Variants in CACNG2 observed in about 807,000 individuals in gnomAD.
CACNG2 encodes calcium voltage-gated channel auxiliary subunit gamma 2, also known as voltage-dependent calcium channel gamma-2 subunit.
CACNG2 carries 3 observed loss-of-function variants against 25.9 expected under a neutral mutation model. The ratio of observed to expected loss-of-function variants is 0.12; its 90% CI spans 0.05 to 0.30. The LOEUF is 0.30. CACNG2 is among the 10% of genes least tolerant of loss of function. The pLI, the probability that CACNG2 is intolerant of heterozygous loss-of-function variation, is 1.00. For synonymous variants in CACNG2, 167 were observed against 173.3 expected (o/e 0.96, Z 0.29); for missense variants, 341 against 432.5 (o/e 0.79, Z 1.88).
intron 1 of CACNG2, among the ~76,000 whole-genome samples, chr22:36,619,205 C>T (rs911094809): frequency 1.3e-5 from 2 of 152,152 alleles, no homozygotes; most frequent in African/African-American, 2.4e-5. Flanking sequence ...TCAATCTATG[C>T]TCATTCCACT....
At chr22:36,625,725 A>G (rs1428934238) in intron 1 of CACNG2, among the ~76,000 whole-genome samples, 1 of 152,168 alleles carries the variant, frequency 6.6e-6, no homozygotes, top group African/African-American at 2.4e-5. Flanking sequence ...TAAAAAAATA[A>G]TTTTTCATAA....
intron 1 of CACNG2, among the ~76,000 whole-genome samples, chr22:36,687,299 C>A (rs2146010246): frequency 6.6e-6 from 1 of 152,316 alleles, no homozygotes; most frequent in South Asian, 2.1e-4. Flanking sequence ...TTGTTTAAGA[C>A]ACTGCTCATT....
chr22:36,619,281 C>T (rs751184180), intron 1 of CACNG2, among the ~76,000 whole-genome samples: 1 of 152,036 alleles, frequency 6.6e-6, no homozygotes, highest in Non-Finnish European at 1.5e-5. Context: ...CTGATGGCAC[C>T]GCAGGATGAC....
intron 1 of CACNG2, among the ~76,000 whole-genome samples, chr22:36,640,710 G>A (rs773484906): frequency 1.1e-4 from 17 of 152,128 alleles, no homozygotes; most frequent in Non-Finnish European, 2.4e-4. Context: ...TTGTTTCCGC[G>A]CTTGTTCCTG....
chr22:36,674,337 C>T (rs982714050), intron 1 of CACNG2, among the ~76,000 whole-genome samples: 3 of 151,428 alleles, frequency 2.0e-5, no homozygotes, highest in African/African-American at 4.9e-5. Flanking sequence ...TTTTTGCTTG[C>T]TTTTTTTTTG....
At chr22:36,697,458 G>A (rs1038824551) in intron 1 of CACNG2, among the ~76,000 whole-genome samples, 2 of 152,186 alleles carry the variant, frequency 1.3e-5, no homozygotes, top group African/African-American at 4.8e-5. Flanking sequence ...CATGATAGGG[G>A]GACAATGTAG....
chr22:36,635,016 G>A (rs1349612375), intron 1 of CACNG2, among the ~76,000 whole-genome samples: 1 of 152,174 alleles, frequency 6.6e-6, no homozygotes, highest in Non-Finnish European at 1.5e-5. Flanking sequence ...AGGCGCAGTG[G>A]CTCACGCCTG....
Position 36,702,661 on chromosome 22 carries a change from T to G in CACNG2, c.-85A>C. 1 of 904,140 alleles carries G rather than the reference T, an allele frequency of 1.1e-6. No homozygotes were observed. Among genetic ancestry groups the G allele is most frequent in the Non-Finnish European group, 1.8e-6 (1 of 557,798 alleles). The allele number at this position is 904,140 out of a possible 1,614,324, so 56.0% of individuals were successfully genotyped here. ...GTGCAAGTACTAAAGCCAAAAAAAA[T>G]AAATAAAAATAAAAATTATTCCACT... is the stretch of plus-strand genomic sequence containing the variant. On this transcript the variant is annotated 5_prime_UTR_variant, in exon 1 of 4. Coordinates refer to ENST00000300105, the MANE Select transcript of CACNG2 (RefSeq NM_006078.5).
At chr22:36,619,113 G>T (rs540030885) in intron 1 of CACNG2, among the ~76,000 whole-genome samples, 4 of 152,262 alleles carry the variant, frequency 2.6e-5, no homozygotes, top group Admixed American at 6.5e-5. Context: ...TGAGGAAACC[G>T]AGACCCAGAA....
At chr22:36,673,115 A>G (rs1003413385) in intron 1 of CACNG2, among the ~76,000 whole-genome samples, 1 of 152,202 alleles carries the variant, frequency 6.6e-6, no homozygotes, top group Admixed American at 6.5e-5. Flanking sequence ...AGTCCCAGCT[A>G]CTCAGGAGGC....
intron 1 of CACNG2, among the ~76,000 whole-genome samples, chr22:36,631,651 A>C (rs1465221919): frequency 6.6e-6 from 1 of 152,102 alleles, no homozygotes; most frequent in Non-Finnish European, 1.5e-5. Context: ...GTGTGGCCCC[A>C]AGGCACTGTC....
At chr22:36,599,233 C>G (rs568528337) in intron 1 of CACNG2, among the ~76,000 whole-genome samples, 6 of 150,592 alleles carry the variant, frequency 4.0e-5, no homozygotes, top group African/African-American at 1.5e-4. Flanking sequence ...ACAAGTCAAC[C>G]CAGATGAATT....
At chr22:36,646,666 C>A (rs1437789768) in intron 1 of CACNG2, among the ~76,000 whole-genome samples, 1 of 151,832 alleles carries the variant, frequency 6.6e-6, no homozygotes, top group African/African-American at 2.4e-5. Context: ...TCACACCACA[C>A]CTCCTAGATT....
chr22:36,576,538 A>T (rs61252188), intron 2 of CACNG2, among the ~76,000 whole-genome samples: 70 of 59,038 alleles, frequency 1.2e-3, no homozygotes, highest in Non-Finnish European at 1.6e-3. Context: ...ATAAAAAATT[A>T]AAAAAAAAAA....
intron 1 of CACNG2, among the ~76,000 whole-genome samples, chr22:36,649,524 C>T (rs1412979426): frequency 6.6e-6 from 1 of 152,212 alleles, no homozygotes; most frequent in Non-Finnish European, 1.5e-5. Context: ...AAACTCCTGA[C>T]CTTGTGATTT....
intron 2 of CACNG2, among the ~76,000 whole-genome samples, chr22:36,567,552 C>T (rs1935146885): frequency 6.8e-6 from 1 of 147,240 alleles, no homozygotes; most frequent in Non-Finnish European, 1.5e-5. Flanking sequence ...AAGGGAGAAA[C>T]AGAAGGTGAG....
intron 1 of CACNG2, among the ~76,000 whole-genome samples, chr22:36,678,471 C>A (rs1479331633): frequency 6.6e-6 from 1 of 152,102 alleles, no homozygotes; most frequent in Non-Finnish European, 1.5e-5. Context: ...CCTCTCTCTA[C>A]ACACATTCAC....
At chr22:36,691,124 G>A (rs1937263705) in intron 1 of CACNG2, among the ~76,000 whole-genome samples, 1 of 152,220 alleles carries the variant, frequency 6.6e-6, no homozygotes, top group Admixed American at 6.5e-5. Context: ...GGGAACTCAT[G>A]ATCTAGAGGA....
intron 1 of CACNG2, among the ~76,000 whole-genome samples, chr22:36,649,542 T>C (rs1166677345): frequency 3.9e-5 from 6 of 152,188 alleles, no homozygotes; most frequent in African/African-American, 1.4e-4. Flanking sequence ...TTTGCCCGCC[T>C]CAGCCAGTGC....
Sources: allele counts gnomAD v4.1 joint callset (sites outside exome capture counted in the v4.1 genomes callset), GRCh38; gene constraint gnomAD v4.1.1; transcripts MANE v1.5; gene names NCBI Gene and HGNC (gene_info 2026-07-23, HGNC 2026-07-21).